Variants in ZNF768 observed in about 807,000 individuals in gnomAD.
ZNF768 encodes the protein zinc finger protein 768.
In ZNF768, 12 loss-of-function variants were observed where a neutral mutation model predicts 39.7. That is an observed-to-expected ratio of 0.30 (90% CI 0.19 to 0.49). ZNF768 has a LOEUF of 0.49. ZNF768 is among the 20% of genes least tolerant of loss of function. The pLI is 0.99. For missense variants in ZNF768, 613 were observed against 723.2 expected, an observed-to-expected ratio of 0.85 and a Z score of 1.75; for synonymous variants, 360 against 288.4, an observed-to-expected ratio of 1.25 and a Z score of -2.52.
chr16:30,524,391 T>C lies in ZNF768; in HGVS notation c.*126A>G, dbSNP rs2051300115. 6.3e-6 allele frequency: 9 copies of C among 1,422,690 alleles called. No individual in the cohort carries two copies. In the Admixed American group the frequency reaches 2.4e-4, roughly 38 times the overall value. 88.1% of individuals were successfully genotyped at this position (1,422,690 alleles called of 1,614,324 possible). On this transcript the variant is annotated 3_prime_UTR_variant, in exon 2 of 2. Transcript: ENST00000380412. ...CATGTCACTTCCTCCACCCTGGTTCTCTTCTTCCAGCATCCTCAGCTCCTC... is the reference window on the plus strand; with the variant it reads ...CATGTCACTTCCTCCACCCTGGTTCCCTTCTTCCAGCATCCTCAGCTCCTC...
the ZNF768 span, chr16:30,532,378 C>T: frequency 8.5e-7 from 1 of 1,170,154 alleles, no homozygotes; most frequent in Non-Finnish European, 1.2e-6. Flanking sequence ...TCAGACTGTC[C>T]GCACCCCAGG....
chr16:30,530,009 T>A (rs1296881935), upstream of ZNF768, among the ~76,000 whole-genome samples: 2 of 151,950 alleles, frequency 1.3e-5, no homozygotes, highest in African/African-American at 4.8e-5. This position sits in a 1 kb window ranked among gnomAD's most constrained non-coding sequence, Gnocchi z 4.4. Context: ...AAATGTATCC[T>A]TAGTAGAGAC....
In ZNF768 at chr16:30,524,311, G is replaced by A. The variant is rs2051299124; in HGVS notation, c.*206C>T. 2 of 792,254 alleles carry A rather than the reference G, an allele frequency of 2.5e-6. No individual in the cohort carries two copies. The highest frequency in any genetic ancestry group is 1.8e-5 in the African/African-American group (1 of 56,506). The allele number at this position is 792,254 out of a possible 1,614,324, so 49.1% of individuals were successfully genotyped here. On this transcript the variant is annotated 3_prime_UTR_variant, in exon 2 of 2. Transcript: ENST00000380412. The stretch of plus-strand genomic sequence containing the variant: ...CTGACCTCTCTCCATTTCTCCCAGG[G>A]CCTCCCGCTGCCGGCCTGGCCTCCC...
chr16:30,524,565 G>C lies in ZNF768; in HGVS notation c.1575C>G (p.Ser525Arg). 1 of 1,612,104 alleles carries C rather than the reference G, an allele frequency of 6.2e-7. No homozygotes were observed. The highest frequency in any genetic ancestry group is 8.5e-7 in the Non-Finnish European group (1 of 1,179,904). Residue 525 changes from serine to arginine, a missense_variant, in exon 2 of 2, where the codon AGC becomes AGG. Physicochemically the swap from Ser to Arg is moderately radical, Grantham distance 110. Transcript: ENST00000380412. ...TCCGCTGGTGGCGGATGAGGTCGGA[G>C]CTCTGGGAGAAGGCCTTTCCGCAGT... ...CDDCGKAFSQSSDLIRHQRTH... is the reference protein window; with the variant it reads ...CDDCGKAFSQRSDLIRHQRTH...
rs755285063 is a variant in ZNF768, at chr16:30,526,433, A to AGCG, written c.-23_-21dup. 6 of 1,536,186 alleles carry AGCG rather than the reference A, an allele frequency of 3.9e-6. No individual in the cohort carries two copies. The highest frequency in any genetic ancestry group is 2.9e-5 in the African/African-American group (2 of 70,096). On this transcript the variant is annotated 5_prime_UTR_variant, in exon 1 of 2. Transcript: ENST00000380412. ...CTCCATCCCCGCGGGCTCCCAGTGCAGCGGCGGCGGCGATGGCGGCCGATC... is the reference window on the plus strand; with the variant it reads ...CTCCATCCCCGCGGGCTCCCAGTGCAGCGGCGGCGGCGGCGATGGCGGCCGATC...
upstream of ZNF768, chr16:30,527,245 A>C (rs1376867302): frequency 1.0e-6 from 1 of 985,396 alleles, no homozygotes; most frequent in Non-Finnish European, 1.2e-6. Flanking sequence ...GACCCCCTCC[A>C]GGAACTCCGC....
At position 30,526,555 on chromosome 16, in the gene ZNF768, G is replaced by A. The variant is rs1826408365; in HGVS notation, c.-142C>T. 1.9e-6 allele frequency: 2 copies of A among 1,066,714 alleles called. No homozygotes were observed. Among genetic ancestry groups the A allele is most frequent in the South Asian group, 9.0e-5 (2 of 22,344 alleles). 66.1% of individuals were successfully genotyped at this position (1,066,714 alleles called of 1,614,324 possible). A position where few individuals can be genotyped will look rare whatever the true frequency, so the allele number is the denominator to read the frequency against. On this transcript the variant is annotated 5_prime_UTR_variant, in exon 1 of 2. Coordinates refer to ENST00000380412, the MANE Select transcript of ZNF768 (RefSeq NM_024671.4). ...TCGGCGGCCCAGCCCGGGCCCCCGA[G>A]GCCGGACGTCTTGACCCCGCGCCTC...
rs752559873 is a variant in ZNF768, at chr16:30,524,646, G to A, written c.1494C>T (p.Ser498=). ...GGACCCGGTGATGCTGCAGAAGCGTGGAGGAGCGGCAGAAGCCCTTGCCGC... is the reference window on the plus strand; with the variant it reads ...GGACCCGGTGATGCTGCAGAAGCGTAGAGGAGCGGCAGAAGCCCTTGCCGC... ...AVCGKGFCRS[S]TLLQHHRVHS... Residue 498 remains serine (S), a synonymous_variant, in exon 2 of 2, where the codon TCC becomes TCT. Coordinates refer to ENST00000380412, the MANE Select transcript of ZNF768 (RefSeq NM_024671.4). The A allele has an allele frequency of 6.2e-7, 1 of 1,612,936 alleles. No homozygotes were observed. The highest frequency in any genetic ancestry group is 1.3e-5 in the African/African-American group (1 of 75,054).
At chr16:30,528,948 C>G (rs866660119), upstream of ZNF768, among the ~76,000 whole-genome samples, 10 of 152,214 alleles carry the variant, frequency 6.6e-5, no homozygotes, top group African/African-American at 2.2e-4. Context: ...GCTCTGACAC[C>G]GTACACTGCC....
chr16:30,525,288 G>C lies in ZNF768; in HGVS notation c.852C>G (p.Thr284=). The stretch of plus-strand genomic sequence containing the variant: ...CCTCACATTTGTAGGGCTTCTCACC[G>C]GTGTGGATGCGCTGGTGCTGGATCA... The part of the protein sequence containing the change: ...STLIQHQRIH[T]GEKPYKCEVC... The change falls in exon 2 of 2, where the codon ACC becomes ACG. Residue 284 remains threonine, a synonymous_variant. Transcript: ENST00000380412. The C allele has an allele frequency of 6.2e-7, 1 of 1,614,108 alleles. No homozygotes were observed.
upstream of ZNF768, chr16:30,526,791 G>GCGGCCC: frequency 4.3e-6 from 1 of 233,768 alleles, no homozygotes; most frequent in Non-Finnish European, 5.5e-6. Context: ...CGGCCGCCCA[G>GCGGCCC]CACCCCCCCA....
At position 30,526,429 on chromosome 16, in the gene ZNF768, G is replaced by A. The variant is rs763351252; in HGVS notation, c.-16C>T. The A allele has an allele frequency of 1.9e-6, 3 of 1,539,026 alleles. No individual in the cohort carries two copies. The African/African-American group carries it at 4.3e-5, about 22-fold the overall frequency. On this transcript the variant is annotated 5_prime_UTR_variant, in exon 1 of 2. Coordinates refer to ENST00000380412, the MANE Select transcript of ZNF768 (RefSeq NM_024671.4). The stretch of plus-strand genomic sequence containing the variant: ...CCCGCTCCATCCCCGCGGGCTCCCA[G>A]TGCAGCGGCGGCGGCGATGGCGGCC...
chr16:30,532,459 C>T, the ZNF768 span: 2 of 1,562,646 alleles, frequency 1.3e-6, no homozygotes, highest in African/African-American at 1.4e-5. Flanking sequence ...GAGCCCATCT[C>T]GGGCCGCCCA....
Position 30,526,541 on chromosome 16 carries a change from G to A in ZNF768, c.-128C>T, listed in dbSNP as rs942661194. 1.5e-5 allele frequency: 16 copies of A among 1,089,880 alleles called. No individual in the cohort carries two copies. The highest frequency in any genetic ancestry group is 8.9e-6 in the Non-Finnish European group (8 of 897,772). 67.5% of individuals were successfully genotyped at this position (1,089,880 alleles called of 1,614,324 possible). The stretch of plus-strand genomic sequence containing the variant: ...GCCGCCCAGGGGACTCGGCGGCCCA[G>A]CCCGGGCCCCCGAGGCCGGACGTCT... On this transcript the variant is annotated 5_prime_UTR_variant, in exon 1 of 2. Coordinates refer to ENST00000380412, the MANE Select transcript of ZNF768 (RefSeq NM_024671.4).
upstream of ZNF768, among the ~76,000 whole-genome samples, chr16:30,530,092 A>C (rs2051356793): frequency 6.6e-6 from 1 of 151,790 alleles, no homozygotes; most frequent in African/African-American, 2.4e-5. The surrounding 1 kb of genome is among the most constrained non-coding windows in gnomAD (Gnocchi z 4.4). Flanking sequence ...GCCTCCCAAA[A>C]TGCTGGGATT....
rs1221641051 is a variant in ZNF768, at chr16:30,524,062, A to G, written c.*455T>C. 2 of 174,392 alleles carry G rather than the reference A, an allele frequency of 1.1e-5. No individual in the cohort carries two copies. The highest frequency in any genetic ancestry group is 2.4e-5 in the Non-Finnish European group (2 of 83,226). The allele number at this position is 174,392 out of a possible 1,614,324, so 10.8% of individuals were successfully genotyped here. ...CAGGGGCTCCAAAGCCTGAGGAAGA[A>G]GAGGGAGGCTGGGGTTTGCACGCAG... On this transcript the variant is annotated 3_prime_UTR_variant, in exon 2 of 2. Transcript: ENST00000380412.
At chr16:30,527,444 C>T (rs1053843827), upstream of ZNF768, 5 of 478,522 alleles carry the variant, frequency 1.0e-5, no homozygotes, top group Non-Finnish European at 1.4e-5. Context: ...GGGGCTCGTG[C>T]TCTAGCCGCC....
At chr16:30,526,284 C>T (rs548747123) in intron 1 of ZNF768, 42 bp downstream of exon 1, 2 of 1,606,786 alleles carry the variant, frequency 1.2e-6, no homozygotes, top group Admixed American at 1.7e-5. Context: ...GCCCCTTCTC[C>T]TGCGCGCAAG....
chr16:30,529,162 C>T (rs1319585800), upstream of ZNF768, among the ~76,000 whole-genome samples: 1 of 152,232 alleles, frequency 6.6e-6, no homozygotes, highest in African/African-American at 2.4e-5. Flanking sequence ...CTCCACCTGA[C>T]ACACAGCCAC....
Sources: allele counts gnomAD v4.1 joint callset (sites outside exome capture counted in the v4.1 genomes callset), GRCh38; gene constraint gnomAD v4.1.1; non-coding constraint Gnocchi (gnomAD v3.1); transcripts MANE v1.5; gene names NCBI Gene and HGNC (gene_info 2026-07-23, HGNC 2026-07-21).